EYS: variants seen among roughly 807,000 people sequenced by gnomAD.
EYS encodes the protein EGF-like photoreceptor maintenance factor.
EYS carries 250 observed loss-of-function variants against 282.1 expected under a neutral mutation model. The ratio of observed to expected loss-of-function variants is 0.89; its 90% confidence interval spans 0.80 to 0.98. The LOEUF (loss-of-function observed/expected upper bound fraction) is 0.98. Ranked by LOEUF, EYS falls within the 50% of genes least tolerant of loss-of-function variation. The probability of loss-of-function intolerance (pLI) is 0.00; values close to 1 mark genes in which losing one functional copy is unlikely to be tolerated. For synonymous variants in EYS, 1,355 were observed against 1,282.9 expected (o/e 1.06, Z -1.20); for missense variants, 4,016 against 3,709.0 (o/e 1.08, Z -2.15).
intron 31 of EYS, among the ~76,000 whole-genome samples, chr6:64,121,888 G>A (rs1053358729): frequency 2.0e-5 from 3 of 152,206 alleles, no homozygotes; most frequent in African/African-American, 4.8e-5. Flanking sequence ...TATAGACAGG[G>A]CTTAGTCAAT....
In EYS at chr6:64,442,888, G is replaced by A. The variant is rs1832301; in HGVS notation, c.5645-3536C>T. 5.7e-3 allele frequency among the ~76,000 whole-genome samples: 463 copies of A among 81,552 alleles called. 4 individuals carry two copies. Among genetic ancestry groups the A allele is most frequent in the African/African-American group, 0.016 (434 of 26,566 alleles). 53.5% of individuals were successfully genotyped at this position (81,552 alleles called of 152,430 possible). ...TGTCCTCATGGAGAACTTCTGCCAC[G>A]GCAGTGCAGAAGGGAAATGTTGGGT... On this transcript the variant is annotated intron_variant, in intron 26 of 42. Transcript: ENST00000503581.
At chr6:65,279,084 A>C (rs1768145414) in intron 12 of EYS, among the ~76,000 whole-genome samples, 1 of 152,082 alleles carries the variant, frequency 6.6e-6, no homozygotes, top group Non-Finnish European at 1.5e-5. Flanking sequence ...GCTAATCAGG[A>C]GGCTGAGGTG....
At chr6:64,539,468 G>A (rs538280180) in intron 26 of EYS, among the ~76,000 whole-genome samples, 2 of 152,208 alleles carry the variant, frequency 1.3e-5, no homozygotes, top group East Asian at 3.9e-4. Context: ...CTAGTTACTC[G>A]GGAGGCTGAG....
intron 12 of EYS, among the ~76,000 whole-genome samples, chr6:65,193,603 C>T (rs1214840038): frequency 2.6e-5 from 4 of 151,490 alleles, no homozygotes; most frequent in Admixed American, 1.3e-4. Context: ...AATTCCCATC[C>T]ATTCATTTAT....
intron 26 of EYS, among the ~76,000 whole-genome samples, chr6:64,466,632 C>T (rs188060669): frequency 1.0e-3 from 159 of 152,138 alleles, no homozygotes; most frequent in Admixed American, 0.01. Flanking sequence ...AAAGGATATA[C>T]AGTGTCAATT....
At chr6:64,929,229 G>A (rs920253169) in intron 15 of EYS, among the ~76,000 whole-genome samples, 1 of 152,044 alleles carries the variant, frequency 6.6e-6, no homozygotes, top group African/African-American at 2.4e-5. Flanking sequence ...AGGCTGAGAT[G>A]AGGGTGATTC....
At chr6:65,607,592 T>C (rs1485351868) in intron 2 of EYS, among the ~76,000 whole-genome samples, 1 of 151,902 alleles carries the variant, frequency 6.6e-6, no homozygotes, top group Non-Finnish European at 1.5e-5. Context: ...TTTTAAGAAG[T>C]ATGTTTAATC....
At chr6:64,202,540 G>A (rs1214460054) in intron 31 of EYS, among the ~76,000 whole-genome samples, 3 of 152,182 alleles carry the variant, frequency 2.0e-5, no homozygotes, top group Admixed American at 6.5e-5. Context: ...AATTGGATTA[G>A]GTCTACATGA....
At chr6:65,083,490 C>A (rs948198696) in intron 12 of EYS, among the ~76,000 whole-genome samples, 3 of 151,772 alleles carry the variant, frequency 2.0e-5, no homozygotes, top group African/African-American at 4.8e-5. Flanking sequence ...TGTAATACAG[C>A]ATATTTGTTT....
At chr6:64,813,812 T>G (rs1032659768) in intron 21 of EYS, among the ~76,000 whole-genome samples, 24 of 151,962 alleles carry the variant, frequency 1.6e-4, no homozygotes, top group Non-Finnish European at 3.2e-4. Context: ...AAATCATTAT[T>G]AATCTTTATA....
chr6:64,672,290 T>A (rs527245790), intron 22 of EYS, among the ~76,000 whole-genome samples: 2 of 152,338 alleles, frequency 1.3e-5, no homozygotes, highest in African/African-American at 2.4e-5. Flanking sequence ...AAGACTCAAA[T>A]GCATTAGCCT....
chr6:65,141,500 A>G (rs1764339917), intron 12 of EYS, among the ~76,000 whole-genome samples: 1 of 152,000 alleles, frequency 6.6e-6, no homozygotes, highest in African/African-American at 2.4e-5. Context: ...AATAATAAAA[A>G]AAAAACAAAA....
intron 12 of EYS, among the ~76,000 whole-genome samples, chr6:65,251,005 C>T (rs992612985): frequency 4.9e-5 from 6 of 122,446 alleles, no homozygotes; most frequent in African/African-American, 9.2e-5. Context: ...AAAAAATATC[C>T]GGAAAATAGA....
At chr6:65,533,806 G>T (rs975680792) in intron 2 of EYS, among the ~76,000 whole-genome samples, 3 of 152,066 alleles carry the variant, frequency 2.0e-5, no homozygotes, top group African/African-American at 7.2e-5. Flanking sequence ...ATACATTTCT[G>T]TTGTTTATAA....
chr6:64,850,222 G>A (rs1312023764), intron 19 of EYS, among the ~76,000 whole-genome samples: 1 of 152,058 alleles, frequency 6.6e-6, no homozygotes, highest in Non-Finnish European at 1.5e-5. Context: ...TTATAAACAA[G>A]AATGTATGTT....
At chr6:65,022,231 C>A (rs1216286614) in intron 13 of EYS, among the ~76,000 whole-genome samples, 1 of 152,230 alleles carries the variant, frequency 6.6e-6, no homozygotes. Context: ...ATTTATCCCA[C>A]TGCCTACATA....
At chr6:64,269,667 T>C (rs1207884707) in intron 30 of EYS, among the ~76,000 whole-genome samples, 1 of 152,104 alleles carries the variant, frequency 6.6e-6, no homozygotes, top group Non-Finnish European at 1.5e-5. Flanking sequence ...CAAATGATTT[T>C]TAGGATACCA....
chr6:64,351,603 A>C (rs868824700), intron 29 of EYS, among the ~76,000 whole-genome samples: 78 of 151,574 alleles, frequency 5.1e-4, no homozygotes, highest in African/African-American at 1.7e-3. Context: ...AATAATTTCT[A>C]GTAAATTGAA....
rs187598024 is a variant in EYS, at chr6:64,944,030, C to T, written c.2381+1763G>A. 6.6e-5 allele frequency among the ~76,000 whole-genome samples: 10 copies of T among 152,182 alleles called. 1 individual carries two copies. On this transcript the variant is annotated intron_variant, in intron 15 of 42. Transcript: ENST00000503581. ...CAACAACAATAACAGACACACAGATCAGTGGAACAGAATAGCAAAACCAGA... is the reference window on the plus strand; with the variant it reads ...CAACAACAATAACAGACACACAGATTAGTGGAACAGAATAGCAAAACCAGA...
Sources: gnomAD v4.1 joint callset for allele counts (sites outside exome capture counted in the v4.1 genomes callset) on GRCh38, gnomAD v4.1.1 for gene constraint, MANE v1.5 for transcripts, NCBI Gene and HGNC (gene_info 2026-07-23, HGNC 2026-07-21) for gene names.